Variants in RIOX2 observed in about 807,000 individuals in gnomAD.
RIOX2 encodes 60S ribosomal protein L27a histidine hydroxylase.
In RIOX2, 43 loss-of-function variants were observed where a neutral mutation model predicts 51.2. The ratio of observed to expected loss-of-function variants is 0.84; its 90% CI spans 0.66 to 1.08. The LOEUF (loss-of-function observed/expected upper bound fraction) is 1.08. RIOX2 is among the 50% of genes least tolerant of loss of function. RIOX2 has a pLI of 0.00. For synonymous variants in RIOX2, 226 were observed against 218.5 expected, an observed-to-expected ratio of 1.03 and a Z score of -0.30; for missense variants, 566 against 561.7, an observed-to-expected ratio of 1.01 and a Z score of -0.08.
At chr3:97,954,824 C>T (rs1018425215) in intron 4 of RIOX2, among the ~76,000 whole-genome samples, 74 of 152,294 alleles carry the variant, frequency 4.9e-4, no homozygotes, top group African/African-American at 1.5e-3. Flanking sequence ...GTGCCTGGGA[C>T]GCCTGCTTCC....
At chr3:97,945,998 G>C in intron 8 of RIOX2, 111 bp from the exon 9 acceptor site, 1 of 702,752 alleles carries the variant, frequency 1.4e-6, no homozygotes, top group East Asian at 2.7e-5. Context: ...AAAAGCCTTG[G>C]TGCTCAAGTG....
At chr3:97,954,869 G>T (rs1705396197) in intron 4 of RIOX2, among the ~76,000 whole-genome samples, 1 of 152,190 alleles carries the variant, frequency 6.6e-6, no homozygotes, top group South Asian at 2.1e-4. Context: ...AAGAGTAGGA[G>T]CTTGAATTTA....
At chr3:97,948,500 C>T (rs901481094) in intron 7 of RIOX2, among the ~76,000 whole-genome samples, 11 of 152,086 alleles carry the variant, frequency 7.2e-5, no homozygotes, top group Non-Finnish European at 1.5e-4. Context: ...ACCACCACTC[C>T]GTACATACTC....
intron 1 of RIOX2, among the ~76,000 whole-genome samples, chr3:97,970,647 C>A (rs895126495): frequency 6.6e-6 from 1 of 152,092 alleles, no homozygotes; most frequent in Non-Finnish European, 1.5e-5. Context: ...TAGAGACCAC[C>A]CCAATAGGAG....
chr3:97,961,738 G>A lies in RIOX2; in HGVS notation c.433-30C>T, dbSNP rs371478872. ...ACAAAAAAGGAAAAAAGAAAGGGTCGGCGTGGGGGAGTGAAAAATGTATTA... is the reference window on the plus strand; with the variant it reads ...ACAAAAAAGGAAAAAAGAAAGGGTCAGCGTGGGGGAGTGAAAAATGTATTA... On this transcript the variant is annotated intron_variant, in intron 2 of 9. Transcript: ENST00000394198. 32 of 1,558,980 alleles carry A rather than the reference G, an allele frequency of 2.1e-5. No individual in the cohort carries two copies. The Middle Eastern group carries it at 5.2e-4, about 26-fold the overall frequency.
At chr3:97,961,534 C>G in intron 3 of RIOX2, 55 bp downstream of exon 3, 1 of 1,541,782 alleles carries the variant, frequency 6.5e-7, no homozygotes, top group Non-Finnish European at 8.7e-7. Context: ...TCTACTAAAC[C>G]AGGCTCTCAA....
rs2040292963 is a variant in RIOX2, at chr3:97,943,991, T to C, written c.*1193A>G. The C allele has an allele frequency of 6.6e-6, 1 of 151,964 alleles. No homozygotes were observed. Among genetic ancestry groups the C allele is most frequent in the Non-Finnish European group, 1.5e-5 (1 of 67,940 alleles). The allele number at this position is 151,964 out of a possible 1,614,324, so 9.4% of individuals were successfully genotyped here. Reference sequence around the variant, plus strand: ...TAAAAAAGTACAAATAAATAACCTATGGCCAAACTTGCACTGTTACGTGTT... The same window carrying C: ...TAAAAAAGTACAAATAAATAACCTACGGCCAAACTTGCACTGTTACGTGTT... On this transcript the variant is annotated 3_prime_UTR_variant, in exon 10 of 10. Transcript: ENST00000394198.
At chr3:97,963,480 C>T (rs1004903589) in intron 2 of RIOX2, among the ~76,000 whole-genome samples, 1 of 152,148 alleles carries the variant, frequency 6.6e-6, no homozygotes, top group Non-Finnish European at 1.5e-5. Context: ...AGAGTTTCTA[C>T]TTAACACAGA....
chr3:97,963,270 C>A (rs1245492763), intron 2 of RIOX2, among the ~76,000 whole-genome samples: 1 of 152,168 alleles, frequency 6.6e-6, no homozygotes, highest in African/African-American at 2.4e-5. Context: ...ACTGCAGGTG[C>A]ATGCTACCAT....
chr3:97,950,751 A>G, intron 6 of RIOX2, 35 bp downstream of exon 6: 1 of 1,552,906 alleles, frequency 6.4e-7, no homozygotes, highest in South Asian at 1.1e-5. Context: ...GGCTGCAGCT[A>G]CCATCCTTCA....
At chr3:97,965,280 G>A (rs1474433111) in intron 2 of RIOX2, among the ~76,000 whole-genome samples, 1 of 151,180 alleles carries the variant, frequency 6.6e-6, no homozygotes, top group African/African-American at 2.4e-5. Flanking sequence ...GGGAAGCTGA[G>A]GCGGGTGGAT....
At chr3:97,970,939 G>T (rs1706104351) in intron 1 of RIOX2, among the ~76,000 whole-genome samples, 1 of 152,176 alleles carries the variant, frequency 6.6e-6, no homozygotes, top group Non-Finnish European at 1.5e-5. Context: ...GTATATCCCC[G>T]GAAACAAGCA....
intron 2 of RIOX2, among the ~76,000 whole-genome samples, chr3:97,964,872 C>T (rs886110347): frequency 7.9e-5 from 12 of 152,034 alleles, no homozygotes; most frequent in Non-Finnish European, 1.2e-4. Flanking sequence ...CTCACCAGGA[C>T]TTTTAATATA....
intron 1 of RIOX2, 121 bp downstream of exon 1, chr3:97,972,260 G>C (rs1407348632): frequency 6.9e-6 from 1 of 144,508 alleles, no homozygotes; most frequent in African/African-American, 2.5e-5. Context: ...CTCGCCGACC[G>C]ACAGGTCTCC....
chr3:97,942,689 G>A lies in RIOX2; in HGVS notation c.*2495C>T, dbSNP rs1460977882. 2.9e-6 allele frequency: 1 copy of A among 349,186 alleles called. No homozygotes were observed. Among genetic ancestry groups the A allele is most frequent in the Non-Finnish European group, 5.1e-6 (1 of 195,238 alleles). 21.6% of individuals were successfully genotyped at this position (349,186 alleles called of 1,614,324 possible). A position where few individuals can be genotyped will look rare whatever the true frequency, so the allele number is the denominator to read the frequency against. ...AACTTTCATTTGCTACGTGAACTCA[G>A]AACAGTTCTAAATTTCAAGCACCAT... is the stretch of plus-strand genomic sequence containing the variant. On this transcript the variant is annotated 3_prime_UTR_variant, in exon 10 of 10. Coordinates refer to ENST00000394198, the MANE Select transcript of RIOX2 (RefSeq NM_153182.4).
Position 97,950,859 on chromosome 3 carries a change from A to G in RIOX2, c.815T>C (p.Ile272Thr), listed in dbSNP as rs750869465. ...NSWGDFLLDT[I>T]SGLVFDTAKE... Reference sequence around the variant, plus strand: ...TGCAGTATCAAATACAAGCCCCGAGATGGTATCCAAAAGGAAATCTCCCCA... The same window carrying G: ...TGCAGTATCAAATACAAGCCCCGAGGTGGTATCCAAAAGGAAATCTCCCCA... The change falls in exon 6 of 10, where the codon ATC becomes ACC. Residue 272 changes from isoleucine to threonine, a missense_variant. Ile to Thr is a moderately conservative substitution (Grantham distance 89). Coordinates refer to ENST00000394198, the MANE Select transcript of RIOX2 (RefSeq NM_153182.4). 36 of 1,613,728 alleles carry G rather than the reference A, an allele frequency of 2.2e-5. No individual in the cohort carries two copies. Among genetic ancestry groups the G allele is most frequent in the Non-Finnish European group, 2.5e-5 (29 of 1,179,846 alleles).
rs1576014888 is a variant in RIOX2, at chr3:97,964,237, A to C, written c.433-2529T>G. Among the ~76,000 whole-genome samples, 3 of 152,220 alleles carry C rather than the reference A, an allele frequency of 2.0e-5. No individual in the cohort carries two copies. The South Asian group carries it at 6.2e-4, about 32-fold the overall frequency. ...AAATAGAAGACCACGTATATGCCTA[A>C]AGAAAGGCAAAAGCAAACATATAAA... On this transcript the variant is annotated intron_variant, in intron 2 of 9. Transcript: ENST00000394198.
intron 1 of RIOX2, among the ~76,000 whole-genome samples, chr3:97,970,932 T>A (rs904793507): frequency 3.9e-5 from 6 of 152,236 alleles, no homozygotes; most frequent in African/African-American, 7.2e-5. Flanking sequence ...AGGATTTGTA[T>A]ATCCCCGGAA....
At chr3:97,947,753 T>C (rs1018939540) in intron 7 of RIOX2, among the ~76,000 whole-genome samples, 1 of 152,186 alleles carries the variant, frequency 6.6e-6, no homozygotes, top group Non-Finnish European at 1.5e-5. Flanking sequence ...CATAAGGCTG[T>C]GGTGCTTTCT....
Sources: allele counts gnomAD v4.1 joint callset (sites outside exome capture counted in the v4.1 genomes callset), GRCh38; gene constraint gnomAD v4.1.1; transcripts MANE v1.5; gene names NCBI Gene and HGNC (gene_info 2026-07-23, HGNC 2026-07-21).